Variants in ATP2B2 observed in about 807,000 individuals in gnomAD.
ATP2B2 encodes the protein plasma membrane calcium-transporting ATPase 2.
ATP2B2 carries 15 observed loss-of-function variants against 120.0 expected under a neutral mutation model. The ratio of observed to expected loss-of-function variants is 0.12; its 90% CI spans 0.08 to 0.19. ATP2B2 has a LOEUF of 0.19. ATP2B2 is among the 10% of genes least tolerant of loss of function. The pLI is 1.00. For missense variants in ATP2B2, 1,045 were observed against 1,719.8 expected (o/e 0.61, Z 6.94); for synonymous variants, 694 against 700.3 (o/e 0.99, Z 0.14).
At chr3:10,705,630 T>G (rs1348795141) in intron 1 of ATP2B2, among the ~76,000 whole-genome samples, 2 of 152,208 alleles carry the variant, frequency 1.3e-5, no homozygotes. Context: ...GTAGCAGAGG[T>G]GGTCCCAGCT....
chr3:10,349,053 C>T (rs1403801121), intron 16 of ATP2B2, among the ~76,000 whole-genome samples: 1 of 152,198 alleles, frequency 6.6e-6, no homozygotes, highest in African/African-American at 2.4e-5. Flanking sequence ...CCAGTGGAGC[C>T]CTGCTCCCAT....
intron 2 of ATP2B2, among the ~76,000 whole-genome samples, chr3:10,537,981 T>C (rs991723210): frequency 6.6e-6 from 1 of 152,228 alleles, no homozygotes; most frequent in African/African-American, 2.4e-5. Context: ...CCTGCATCCC[T>C]TGAATAAACC....
At chr3:10,661,090 A>T (rs2070766757) in intron 1 of ATP2B2, among the ~76,000 whole-genome samples, 1 of 152,182 alleles carries the variant, frequency 6.6e-6, no homozygotes, top group African/African-American at 2.4e-5. Context: ...TATTGATGGG[A>T]CTTATCTTAA....
chr3:10,370,465 T>C (rs187905628), intron 12 of ATP2B2, among the ~76,000 whole-genome samples: 1 of 152,334 alleles, frequency 6.6e-6, no homozygotes, highest in East Asian at 1.9e-4. Flanking sequence ...CGTCGTCATG[T>C]TTGGCATCAC....
chr3:10,703,327 G>A (rs541693515), intron 1 of ATP2B2, among the ~76,000 whole-genome samples: 57 of 152,322 alleles, frequency 3.7e-4, no homozygotes, highest in Middle Eastern at 3.4e-3. Context: ...CCTGAGTGAA[G>A]CCTACCTGGG....
chr3:10,615,386 A>C (rs1051242223), intron 2 of ATP2B2, among the ~76,000 whole-genome samples: 2 of 152,204 alleles, frequency 1.3e-5, no homozygotes, highest in Non-Finnish European at 1.5e-5. Flanking sequence ...CAGTCAAGAC[A>C]TGAGCAGAAA....
intron 2 of ATP2B2, among the ~76,000 whole-genome samples, chr3:10,539,483 C>T (rs9854436): frequency 0.041 from 6,264 of 152,240 alleles, 334 homozygotes; most frequent in African/African-American, 0.12. Context: ...TACTACAAGG[C>T]TATAGTAACC....
chr3:10,383,818 G>T (rs2061597169), intron 8 of ATP2B2, among the ~76,000 whole-genome samples: 1 of 152,200 alleles, frequency 6.6e-6, no homozygotes. Flanking sequence ...GGATATTTGG[G>T]GTTTTCTGCT....
intron 3 of ATP2B2, among the ~76,000 whole-genome samples, chr3:10,514,865 C>A (rs2066845062): frequency 6.6e-6 from 1 of 152,212 alleles, no homozygotes; most frequent in Non-Finnish European, 1.5e-5. Context: ...ACTGCACATC[C>A]CCCTGCAGGT....
intron 2 of ATP2B2, among the ~76,000 whole-genome samples, chr3:10,592,130 G>T (rs976448029): frequency 6.6e-6 from 1 of 152,182 alleles, no homozygotes; most frequent in Admixed American, 6.5e-5. Flanking sequence ...GTAAGGACTT[G>T]ATCCTTCTCT....
At chr3:10,681,405 G>A (rs530774601) in intron 1 of ATP2B2, among the ~76,000 whole-genome samples, 57 of 152,136 alleles carry the variant, frequency 3.7e-4, no homozygotes, top group African/African-American at 1.2e-3. Context: ...GTCATGTCCC[G>A]TGCACCCCCA....
chr3:10,418,011 G>C (rs1239088303), intron 2 of ATP2B2, among the ~76,000 whole-genome samples: 1 of 152,182 alleles, frequency 6.6e-6, no homozygotes, highest in Non-Finnish European at 1.5e-5. Flanking sequence ...GCCACATGGG[G>C]TCAGGCTTAC....
At chr3:10,445,776 G>A (rs577346907) in intron 2 of ATP2B2, among the ~76,000 whole-genome samples, 129 of 152,318 alleles carry the variant, frequency 8.5e-4, no homozygotes, top group African/African-American at 2.9e-3. Context: ...CTCCCTACTC[G>A]TCAGCAGATT....
intron 2 of ATP2B2, among the ~76,000 whole-genome samples, chr3:10,570,967 G>A (rs1034380118): frequency 1.3e-5 from 2 of 152,210 alleles, no homozygotes; most frequent in East Asian, 3.8e-4. Flanking sequence ...AGGAAAGCTA[G>A]GTTTAAATAT....
intron 1 of ATP2B2, among the ~76,000 whole-genome samples, chr3:10,648,773 C>A (rs11718999): frequency 1.3e-5 from 2 of 152,036 alleles, no homozygotes; most frequent in African/African-American, 2.4e-5. Flanking sequence ...GCACCAAATC[C>A]TACCAGTTTT....
chr3:10,343,057 T>C lies in ATP2B2; in HGVS notation c.2704-92A>G. ...TCATGGTGTAGTGTCCGCAGGCTCCTGCTGGAGGCTGGAGTCCGACCTGCC... is the reference window on the plus strand; with the variant it reads ...TCATGGTGTAGTGTCCGCAGGCTCCCGCTGGAGGCTGGAGTCCGACCTGCC... On this transcript the variant is annotated intron_variant, in intron 18 of 22. Transcript: ENST00000360273. This position sits in a 1 kb window ranked among gnomAD's most constrained non-coding sequence, Gnocchi z 4.2. 1 of 1,373,496 alleles carries C rather than the reference T, an allele frequency of 7.3e-7. No individual in the cohort carries two copies. Among genetic ancestry groups the C allele is most frequent in the Non-Finnish European group, 1.0e-6 (1 of 979,414 alleles). 85.1% of individuals were successfully genotyped at this position (1,373,496 alleles called of 1,614,324 possible).
In ATP2B2 at chr3:10,340,633, T is replaced by C; in HGVS notation, c.2989A>G (p.Ile997Val). ...ATCATGACGAAGGTGTTGAAGATGA[T>C]GGTGTAATGTTCTGAGGGTGGCGAA... ...LHSPPSEHYTIIFNTFVMMQL... is the reference protein window; with the variant it reads ...LHSPPSEHYTVIFNTFVMMQL... Residue 997 changes from isoleucine (I) to valine (V), a missense_variant, in exon 20 of 23, where the codon ATC becomes GTC. Physicochemically the swap from Ile to Val is conservative, Grantham distance 29 (BLOSUM62 3). Coordinates refer to ENST00000360273, the MANE Select transcript of ATP2B2 (RefSeq NM_001001331.4). This position sits in a 1 kb window ranked among gnomAD's most constrained non-coding sequence, Gnocchi z 5.0. 6.2e-7 allele frequency: 1 copy of C among 1,614,166 alleles called. No individual in the cohort carries two copies. The highest frequency in any genetic ancestry group is 8.5e-7 in the Non-Finnish European group (1 of 1,180,034).
chr3:10,366,267 C>G (rs73811896), intron 12 of ATP2B2, among the ~76,000 whole-genome samples: 3,009 of 152,236 alleles, frequency 0.02, 82 homozygotes, highest in African/African-American at 0.064. Flanking sequence ...CTCGGCCCTC[C>G]CTACTATCTG....
intron 2 of ATP2B2, among the ~76,000 whole-genome samples, chr3:10,602,263 T>C (rs1436836883): frequency 6.6e-6 from 1 of 152,246 alleles, no homozygotes; most frequent in South Asian, 2.1e-4. Flanking sequence ...ACCCCCTTTT[T>C]TCTCCTTGTC....
Sources: allele counts gnomAD v4.1 joint callset (sites outside exome capture counted in the v4.1 genomes callset), GRCh38; gene constraint gnomAD v4.1.1; non-coding constraint Gnocchi (gnomAD v3.1); transcripts MANE v1.5; gene names NCBI Gene and HGNC (gene_info 2026-07-23, HGNC 2026-07-21).